The following MAGEC3 variants were observed in gnomAD, a reference collection of about 807,000 sequenced individuals.
MAGEC3 encodes the protein melanoma-associated antigen C3.
In MAGEC3, 34 loss-of-function variants were observed where a neutral mutation model predicts 35.3. The ratio of observed to expected loss-of-function variants is 0.96; its 90% CI spans 0.73 to 1.28. The LOEUF (loss-of-function observed/expected upper bound fraction) is 1.28, where lower values mean the gene tolerates loss of function less well. MAGEC3 is among the 50% of genes most tolerant of loss of function. The pLI, the probability that MAGEC3 is intolerant of heterozygous loss-of-function variation, is 0.00. For synonymous variants in MAGEC3, 202 were observed against 185.6 expected, an observed-to-expected ratio of 1.09 and a Z score of -0.72; for missense variants, 561 against 483.6, an observed-to-expected ratio of 1.16 and a Z score of -1.50.
At chrX:141,885,354 T>C in intron 4 of MAGEC3, among the ~76,000 whole-genome samples, 1 of 110,548 alleles carries the variant, frequency 9.0e-6, no homozygotes, top group Non-Finnish European at 1.9e-5. Flanking sequence ...GCATTTAATG[T>C]TGCAGCTTGG....
intron 2 of MAGEC3, among the ~76,000 whole-genome samples, chrX:141,876,232 C>T (rs924632050): frequency 8.9e-6 from 1 of 111,855 alleles, no homozygotes; most frequent in Admixed American, 9.5e-5. Flanking sequence ...AACACAACAT[C>T]CCCCATTCAT....
intron 1 of MAGEC3, among the ~76,000 whole-genome samples, chrX:141,857,777 C>T (rs764850361): frequency 9.0e-6 from 1 of 111,247 alleles, no homozygotes; most frequent in East Asian, 2.9e-4. Context: ...TGAATATTTT[C>T]CTCACCTTGG....
intron 1 of MAGEC3, among the ~76,000 whole-genome samples, chrX:141,842,743 T>C (rs2017693369): frequency 8.9e-6 from 1 of 111,925 alleles, no homozygotes; most frequent in African/African-American, 3.2e-5. Context: ...AGTGAATCAC[T>C]GGCAGACCCG....
At chrX:141,890,454 G>A (rs534410343) in intron 4 of MAGEC3, among the ~76,000 whole-genome samples, 3 of 109,640 alleles carry the variant, frequency 2.7e-5, no homozygotes, top group South Asian at 3.8e-4. Context: ...TGATCTGCCC[G>A]CCGCAGTCTC....
rs1480581331 is a variant in MAGEC3 at position 141,896,982 on chromosome X, G to A, written c.1224G>A (p.Pro408=). ...GPPKISPQGP[P]QSPPQSPLDS... Reference sequence around the variant, plus strand: ...CCAAGATCTCTCCCCAGGGTCCTCCGCAGAGTCCTCCCCAGAGTCCTCTAG... The same window carrying A: ...CCAAGATCTCTCCCCAGGGTCCTCCACAGAGTCCTCCCCAGAGTCCTCTAG... The change falls in exon 7 of 8, where the codon CCG becomes CCA. Residue 408 remains proline, a synonymous_variant. Transcript: ENST00000298296. The A allele has an allele frequency of 1.2e-5, 14 of 1,201,649 alleles. No individual in the cohort carries two copies. The highest frequency in any genetic ancestry group is 2.3e-4 in the Middle Eastern group (1 of 4,354).
intron 1 of MAGEC3, among the ~76,000 whole-genome samples, chrX:141,844,574 A>T (rs2124081208): frequency 9.0e-6 from 1 of 111,001 alleles, no homozygotes; most frequent in South Asian, 3.7e-4. Context: ...TATCTCTTTG[A>T]CTATTTCCTT....
At chrX:141,838,880 G>A in intron 1 of MAGEC3, 1 of 749,848 alleles carries the variant, frequency 1.3e-6, no homozygotes, top group Non-Finnish European at 1.6e-6. Flanking sequence ...CTGGGCTACT[G>A]GGCTCCAGGA....
Position 141,838,426 on chromosome X carries a change from A to G in MAGEC3, c.111A>G (p.Pro37=). ...ATGCCTTATCCCCAGTGGTGCTCCCACCTCAGCCCCAGGTGTGGTAGCCCA... is the reference window on the plus strand; with the variant it reads ...ATGCCTTATCCCCAGTGGTGCTCCCGCCTCAGCCCCAGGTGTGGTAGCCCA... The part of the protein sequence containing the change: ...ATYALSPVVL[P]PQPQPRKKAT... The change falls in exon 1 of 8, where the codon CCA becomes CCG. Residue 37 remains proline (P), a synonymous_variant. Transcript: ENST00000298296. 8.3e-7 allele frequency: 1 copy of G among 1,208,548 alleles called. No homozygotes were observed. The highest frequency in any genetic ancestry group is 1.1e-6 in the Non-Finnish European group (1 of 893,318).
intron 1 of MAGEC3, among the ~76,000 whole-genome samples, chrX:141,848,111 ATATG>A (rs746474052): frequency 4.6e-5 from 5 of 109,623 alleles, no homozygotes; most frequent in African/African-American, 6.6e-5. Context: ...ACACGCATCT[ATATG>A]TATACATATG....
In MAGEC3 at chrX:141,880,838, A is replaced by C. The variant is rs139789420; in HGVS notation, c.516-565A>C. The C allele has an allele frequency of 6.7e-5, 76 of 1,132,875 alleles. 1 individual carries two copies. In the African/African-American group the frequency reaches 1.3e-3, roughly 19 times the overall value. The allele number at this position is 1,132,875 out of a possible 1,213,427, so 93.4% of individuals were successfully genotyped here. On this transcript the variant is annotated intron_variant, in intron 3 of 7. Coordinates refer to ENST00000298296, the MANE Select transcript of MAGEC3 (RefSeq NM_138702.1). ...CCACCTTAAGAGAAGAAGAGCTGTA[A>C]GCCGGCCTTTGTCAGAACCACCATG...
At chrX:141,885,663 CAAAAAAAAA>C (rs35973319) in intron 4 of MAGEC3, among the ~76,000 whole-genome samples, 2 of 41,000 alleles carry the variant, frequency 4.9e-5, no homozygotes, top group African/African-American at 2.5e-4. Flanking sequence ...GACTTCGTCT[CAAAAAAAAA>C]AAAAAAAAAA....
intron 1 of MAGEC3, among the ~76,000 whole-genome samples, chrX:141,862,452 G>A (rs1457162171): frequency 2.7e-5 from 3 of 112,195 alleles, no homozygotes; most frequent in Admixed American, 9.4e-5. Flanking sequence ...CAAAGGGAAA[G>A]GAATCAATAT....
At chrX:141,871,499 G>A (rs959198801) in intron 2 of MAGEC3, among the ~76,000 whole-genome samples, 11 of 111,594 alleles carry the variant, frequency 9.9e-5, no homozygotes, top group Non-Finnish European at 1.5e-4. Context: ...GATGGCTGAG[G>A]GAAAACGTTT....
intron 1 of MAGEC3, among the ~76,000 whole-genome samples, chrX:141,849,878 A>G (rs1342972919): frequency 9.0e-6 from 1 of 111,425 alleles, no homozygotes; most frequent in Non-Finnish European, 1.9e-5. Flanking sequence ...CTTGATATAT[A>G]CTCAAAGGAA....
chrX:141,841,112 A>G (rs1452673862), intron 1 of MAGEC3, among the ~76,000 whole-genome samples: 1 of 110,816 alleles, frequency 9.0e-6, no homozygotes, highest in Non-Finnish European at 1.9e-5. Flanking sequence ...AAGCCTCACA[A>G]GAGTGAAGCT....
chrX:141,864,356 A>G (rs1176381920), intron 1 of MAGEC3, among the ~76,000 whole-genome samples: 1 of 107,318 alleles, frequency 9.3e-6, no homozygotes, highest in Non-Finnish European at 1.9e-5. Flanking sequence ...AAAAGATAAT[A>G]AAAATGAATG....
At chrX:141,893,642 CTGTGTGTGTG>C (rs770042816) in intron 4 of MAGEC3, among the ~76,000 whole-genome samples, 1 of 85,131 alleles carries the variant, frequency 1.2e-5, no homozygotes, top group African/African-American at 4.9e-5. Flanking sequence ...ATAGGAGACA[CTGTGTGTGTG>C]TGTGTGTGTG....
chrX:141,894,416 G>A lies in MAGEC3; in HGVS notation c.910-853G>A, dbSNP rs1015171027. On this transcript the variant is annotated intron_variant, in intron 4 of 7. Transcript: ENST00000298296. ...CTGAAAAGACAATGGATTTTTCTGG[G>A]ACAAGGATAGGGAAAGAAGAAAACT... is the stretch of plus-strand genomic sequence containing the variant. Among the ~76,000 whole-genome samples the A allele has an allele frequency of 1.3e-4, 14 of 111,883 alleles. No individual in the cohort carries two copies. The Admixed American group carries it at 1.3e-3, about 11-fold the overall frequency.
intron 1 of MAGEC3, among the ~76,000 whole-genome samples, chrX:141,847,716 T>C (rs1569471706): frequency 9.0e-6 from 1 of 110,642 alleles, no homozygotes; most frequent in African/African-American, 3.3e-5. Context: ...GCTAAAGCAG[T>C]GTTTAGAGGG....
Sources: gnomAD v4.1 joint callset for allele counts (sites outside exome capture counted in the v4.1 genomes callset) on GRCh38, gnomAD v4.1.1 for gene constraint, MANE v1.5 for transcripts, NCBI Gene and HGNC (gene_info 2026-07-23, HGNC 2026-07-21) for gene names.